Variants in STARD13 observed in about 807,000 individuals in gnomAD.
STARD13 encodes stAR-related lipid transfer protein 13.
A neutral mutation model predicts 106.4 loss-of-function variants in STARD13; 62 were observed. That is an observed-to-expected ratio of 0.58 (90% confidence interval 0.48 to 0.72). STARD13 has a LOEUF of 0.72. Among genes scored for constraint, STARD13 ranks in the 30% least tolerant of loss-of-function variants. The pLI is 0.00. For missense variants in STARD13, 1,387 were observed against 1,424.0 expected, an observed-to-expected ratio of 0.97 and a Z score of 0.42; for synonymous variants, 565 against 553.0, an observed-to-expected ratio of 1.02 and a Z score of -0.31.
chr13:33,185,745 A>G (rs1296464035), intron 1 of STARD13: 2 of 779,490 alleles, frequency 2.6e-6, no homozygotes, highest in Non-Finnish European at 4.2e-6. Flanking sequence ...TCTGATTCCC[A>G]GCTCTAGTTT....
chr13:33,641,990 T>C, the STARD13 span, among the ~76,000 whole-genome samples: 1 of 152,234 alleles, frequency 6.6e-6, no homozygotes, highest in East Asian at 1.9e-4. Context: ...TATCTACCAA[T>C]GGTGGTGCTC....
intron 1 of STARD13, among the ~76,000 whole-genome samples, chr13:33,223,539 A>C (rs1888464170): frequency 6.6e-6 from 1 of 151,960 alleles, no homozygotes; most frequent in African/African-American, 2.4e-5. Flanking sequence ...GGTGCCTGTA[A>C]TCCCAGCTAC....
the STARD13 span, among the ~76,000 whole-genome samples, chr13:33,560,293 AC>A: frequency 6.6e-6 from 1 of 151,588 alleles, no homozygotes; most frequent in African/African-American, 2.4e-5. Flanking sequence ...TGGTCTGAAA[AC>A]TTAAATACAT....
intron 8 of STARD13, chr13:33,113,470 T>G: frequency 2.1e-6 from 1 of 484,666 alleles, no homozygotes; most frequent in Non-Finnish European, 4.1e-6. Flanking sequence ...TCACCGGGAG[T>G]GGTGTTGAGC....
chr13:33,301,568 C>CTTTTTTTTTTT (rs11393186), intron 1 of STARD13, among the ~76,000 whole-genome samples: 135 of 71,966 alleles, frequency 1.9e-3, no homozygotes, highest in East Asian at 4.6e-3. Context: ...CTTTTTTTTT[C>CTTTTTTTTTTT]TTTTTTTTTT....
At chr13:33,482,215 A>G in the STARD13 span, among the ~76,000 whole-genome samples, 1 of 152,204 alleles carries the variant, frequency 6.6e-6, no homozygotes, top group East Asian at 1.9e-4. Context: ...GTGCAGATCA[A>G]ACAGTATCGG....
the STARD13 span, among the ~76,000 whole-genome samples, chr13:33,561,653 T>C: frequency 1.7e-5 from 2 of 120,620 alleles, 1 homozygote; most frequent in Admixed American, 1.9e-4. Context: ...AACTTCAGTC[T>C]ACTCTTCATT....
chr13:33,538,755 G>A, the STARD13 span, among the ~76,000 whole-genome samples: 1 of 151,474 alleles, frequency 6.6e-6, no homozygotes, highest in Admixed American at 6.6e-5. Context: ...TGGAGTTAAT[G>A]GGCACAAACT....
chr13:33,226,188 G>A (rs1888615526), intron 1 of STARD13, among the ~76,000 whole-genome samples: 1 of 152,352 alleles, frequency 6.6e-6, no homozygotes, highest in Non-Finnish European at 1.5e-5. Context: ...TGTTGTTTAA[G>A]CCACTCAGTC....
At chr13:33,163,243 C>T (rs2138345988) in intron 3 of STARD13, among the ~76,000 whole-genome samples, 1 of 152,036 alleles carries the variant, frequency 6.6e-6, no homozygotes, top group South Asian at 2.1e-4. Context: ...TATGGGAATA[C>T]AATTCAAGAT....
chr13:33,282,128 C>T (rs1186174492), intron 1 of STARD13, among the ~76,000 whole-genome samples: 1 of 152,060 alleles, frequency 6.6e-6, no homozygotes, highest in African/African-American at 2.4e-5. Context: ...CAAATAAGGA[C>T]CATTCTTATT....
At chr13:33,571,021 G>A in the STARD13 span, among the ~76,000 whole-genome samples, 1 of 152,172 alleles carries the variant, frequency 6.6e-6, no homozygotes, top group East Asian at 1.9e-4. Context: ...GCTGCACCTT[G>A]GGTATCCTTG....
chr13:33,263,565 T>G (rs1187187445), intron 1 of STARD13, among the ~76,000 whole-genome samples: 1 of 152,220 alleles, frequency 6.6e-6, no homozygotes. Context: ...TCTTCTTTCC[T>G]GTTTCACGGG....
At chr13:33,443,194 G>A in the STARD13 span, among the ~76,000 whole-genome samples, 2 of 151,878 alleles carry the variant, frequency 1.3e-5, no homozygotes, top group Admixed American at 6.6e-5. Context: ...TGGCTAACAC[G>A]GTGAAGACCC....
At chr13:33,336,084 T>G (rs751803859) in intron 1 of STARD13, 4 of 152,240 alleles carry the variant, frequency 2.6e-5, no homozygotes, top group Non-Finnish European at 1.5e-5. Flanking sequence ...AATAAGACAT[T>G]ACCCTTTCCC....
chr13:33,664,605 GT>G, the STARD13 span, among the ~76,000 whole-genome samples: 1 of 152,116 alleles, frequency 6.6e-6, no homozygotes, highest in Admixed American at 6.5e-5. Flanking sequence ...TTGAACTTCA[GT>G]TACCGAACTT....
At chr13:33,649,101 T>C in the STARD13 span, among the ~76,000 whole-genome samples, 1 of 152,164 alleles carries the variant, frequency 6.6e-6, no homozygotes, top group Non-Finnish European at 1.5e-5. Context: ...CCTGTGATGC[T>C]CTTAAAATGA....
intron 1 of STARD13, among the ~76,000 whole-genome samples, chr13:33,224,679 T>C (rs1394447748): frequency 2.6e-5 from 4 of 152,326 alleles, no homozygotes; most frequent in Middle Eastern, 3.4e-3. Flanking sequence ...TCTCACCACA[T>C]GCCAAAAAGA....
At chr13:33,503,121 T>C in the STARD13 span, among the ~76,000 whole-genome samples, 3 of 152,212 alleles carry the variant, frequency 2.0e-5, no homozygotes, top group African/African-American at 7.2e-5. Flanking sequence ...AGGGTGTATG[T>C]GTCCAGGAAT....
Sources: gnomAD v4.1 joint callset for allele counts (sites outside exome capture counted in the v4.1 genomes callset) on GRCh38, gnomAD v4.1.1 for gene constraint, MANE v1.5 for transcripts, NCBI Gene and HGNC (gene_info 2026-07-23, HGNC 2026-07-21) for gene names.